BTBD9: variants seen among roughly 807,000 people sequenced by gnomAD.
BTBD9 encodes BTB/POZ domain-containing protein 9.
A neutral mutation model predicts 64.3 loss-of-function variants in BTBD9; 49 were observed. That is an observed-to-expected ratio of 0.76 (90% CI 0.61 to 0.97). The LOEUF (loss-of-function observed/expected upper bound fraction) is 0.97. BTBD9 is among the 50% of genes least tolerant of loss of function. The pLI, the probability that BTBD9 is intolerant of heterozygous loss-of-function variation, is 0.00. For synonymous variants in BTBD9, 260 were observed against 274.7 expected (o/e 0.95, Z 0.53); for missense variants, 598 against 762.1 (o/e 0.78, Z 2.53).
rs553298986 is a variant in BTBD9 at position 38,225,495 on chromosome 6, C to G, written c.1562+30914G>C. Among the ~76,000 whole-genome samples the G allele has an allele frequency of 3.5e-4, 54 of 152,230 alleles. 2 individuals carry two copies. The South Asian group carries it at 6.4e-3, about 18-fold the overall frequency. ...ACTAATGTCCTCCTGTGGAACCATT[C>G]CTTTAGTAACTATTAATAAAAAACT... On this transcript the variant is annotated intron_variant, in intron 9 of 10. Coordinates refer to ENST00000481247, the MANE Select transcript of BTBD9 (RefSeq NM_001099272.2).
chr6:38,351,503 TG>T (rs1489525006), intron 6 of BTBD9, among the ~76,000 whole-genome samples: 32 of 118,538 alleles, frequency 2.7e-4, no homozygotes, highest in East Asian at 8.8e-4. Flanking sequence ...ATTTAATTGT[TG>T]TTGTTTTTTT....
intron 6 of BTBD9, among the ~76,000 whole-genome samples, chr6:38,417,493 G>C (rs1767718139): frequency 1.3e-5 from 2 of 152,218 alleles, no homozygotes; most frequent in African/African-American, 4.8e-5. Flanking sequence ...TTGACACATA[G>C]GTCAGTGCAG....
intron 6 of BTBD9, among the ~76,000 whole-genome samples, chr6:38,535,139 T>G (rs1202708446): frequency 6.6e-6 from 1 of 152,112 alleles, no homozygotes; most frequent in African/African-American, 2.4e-5. Flanking sequence ...ATCAAAAAAC[T>G]ATTAGAACTG....
rs576828810 is a variant in BTBD9, at chr6:38,515,177, C to T, written c.1154+62423G>A. On this transcript the variant is annotated intron_variant, in intron 6 of 10. Coordinates refer to ENST00000481247, the MANE Select transcript of BTBD9 (RefSeq NM_001099272.2). Reference sequence around the variant, plus strand: ...ACAGTTACTCAGCTGCAGAATATTACTTCTATTCCACAGACTTTCTATATG... The same window carrying T: ...ACAGTTACTCAGCTGCAGAATATTATTTCTATTCCACAGACTTTCTATATG... Among the ~76,000 whole-genome samples, 4 of 152,292 alleles carry T rather than the reference C, an allele frequency of 2.6e-5. No homozygotes were observed. The East Asian group carries it at 5.8e-4, about 22-fold the overall frequency.
intron 6 of BTBD9, among the ~76,000 whole-genome samples, chr6:38,571,256 T>C (rs1201493666): frequency 6.6e-6 from 1 of 152,212 alleles, no homozygotes; most frequent in African/African-American, 2.4e-5. Context: ...TGTAAGAGTG[T>C]CTACCTTTAA....
intron 6 of BTBD9, among the ~76,000 whole-genome samples, chr6:38,432,484 A>T (rs1768489358): frequency 6.6e-6 from 1 of 151,962 alleles, no homozygotes; most frequent in South Asian, 2.1e-4. Context: ...GGATTATGGG[A>T]GGGTCCTGAA....
chr6:38,462,861 C>A (rs1358804906), intron 6 of BTBD9, among the ~76,000 whole-genome samples: 1 of 152,122 alleles, frequency 6.6e-6, no homozygotes, highest in East Asian at 1.9e-4. Context: ...TGCAGTGGCG[C>A]CATCTCAGCT....
intron 4 of BTBD9, among the ~76,000 whole-genome samples, chr6:38,583,520 C>G (rs1485924423): frequency 1.3e-5 from 2 of 152,004 alleles, no homozygotes; most frequent in Non-Finnish European, 2.9e-5. Flanking sequence ...AATAAAAAAA[C>G]TAGGCCAAAG....
chr6:38,441,875 A>G (rs185866107), intron 6 of BTBD9, among the ~76,000 whole-genome samples: 4 of 152,280 alleles, frequency 2.6e-5, no homozygotes, highest in Admixed American at 2.6e-4. Context: ...TATGGCCCAA[A>G]CAAAAGTTAA....
chr6:38,500,593 C>A (rs892168978), intron 6 of BTBD9, among the ~76,000 whole-genome samples: 1 of 152,198 alleles, frequency 6.6e-6, no homozygotes, highest in Non-Finnish European at 1.5e-5. Context: ...CAATTCTCTT[C>A]CATTAACTCT....
intron 6 of BTBD9, among the ~76,000 whole-genome samples, chr6:38,392,986 T>C (rs1207235663): frequency 6.6e-6 from 1 of 151,618 alleles, no homozygotes; most frequent in Non-Finnish European, 1.5e-5. Flanking sequence ...ACAATTCTCC[T>C]GCCTCAGGCT....
At chr6:38,434,743 CTAT>C (rs1167889917) in intron 6 of BTBD9, among the ~76,000 whole-genome samples, 1 of 151,982 alleles carries the variant, frequency 6.6e-6, no homozygotes, top group Non-Finnish European at 1.5e-5. Flanking sequence ...TAGTAGTAGT[CTAT>C]CATGCAGGAA....
chr6:38,327,183 A>G (rs772090510), intron 7 of BTBD9, among the ~76,000 whole-genome samples: 42 of 152,214 alleles, frequency 2.8e-4, no homozygotes, highest in Non-Finnish European at 6.0e-4. Flanking sequence ...CTGTCTTAAA[A>G]AAAAATAAGT....
chr6:38,462,721 G>T (rs77058364), intron 6 of BTBD9, among the ~76,000 whole-genome samples: 2 of 152,092 alleles, frequency 1.3e-5, no homozygotes, highest in Non-Finnish European at 2.9e-5. Context: ...TAAATATGGG[G>T]GAGACCCAAA....
At chr6:38,465,834 C>CT (rs368219474) in intron 6 of BTBD9, among the ~76,000 whole-genome samples, 30,268 of 69,552 alleles carry the variant, frequency 0.44, 9,224 homozygotes, top group East Asian at 0.68. Context: ...TTCTTTTTTC[C>CT]TTTTTTTTTT....
At chr6:38,368,325 C>T (rs1432274715) in intron 6 of BTBD9, among the ~76,000 whole-genome samples, 1 of 152,108 alleles carries the variant, frequency 6.6e-6, no homozygotes, top group Non-Finnish European at 1.5e-5. Context: ...TATACTAGAG[C>T]TCCTTTACCC....
chr6:38,484,612 T>C (rs1448910912), intron 6 of BTBD9, among the ~76,000 whole-genome samples: 3 of 152,210 alleles, frequency 2.0e-5, no homozygotes, highest in Non-Finnish European at 4.4e-5. Flanking sequence ...TGTCATGGGT[T>C]CAGTTTATGA....
chr6:38,610,654 A>G (rs1460765036), intron 1 of BTBD9, among the ~76,000 whole-genome samples: 2 of 152,198 alleles, frequency 1.3e-5, no homozygotes, highest in Non-Finnish European at 2.9e-5. Context: ...TGGGCAGATC[A>G]TTTTAAGTCC....
chr6:38,522,874 G>C (rs1280033904), intron 6 of BTBD9, among the ~76,000 whole-genome samples: 2 of 152,004 alleles, frequency 1.3e-5, no homozygotes, highest in Non-Finnish European at 2.9e-5. Flanking sequence ...TACTAGGCAG[G>C]AGAAATCTGC....
Sources: gnomAD v4.1 joint callset for allele counts (sites outside exome capture counted in the v4.1 genomes callset) on GRCh38, gnomAD v4.1.1 for gene constraint, MANE v1.5 for transcripts, NCBI Gene and HGNC (gene_info 2026-07-23, HGNC 2026-07-21) for gene names.